Variants in RSPO2 observed in about 807,000 individuals in gnomAD.
RSPO2 encodes the protein R-spondin-2.
RSPO2 carries 14 observed loss-of-function variants against 30.9 expected under a neutral mutation model. That is an observed-to-expected ratio of 0.45 (90% CI 0.30 to 0.71). The LOEUF (loss-of-function observed/expected upper bound fraction) is 0.71. Among genes scored for constraint, RSPO2 ranks in the 30% least tolerant of loss-of-function variants. The pLI is 0.08. For synonymous variants in RSPO2, 107 were observed against 96.4 expected (o/e 1.11, Z -0.64); for missense variants, 264 against 301.9 (o/e 0.87, Z 0.93).
At chr8:108,005,774 T>C (rs1586621167) in intron 2 of RSPO2, among the ~76,000 whole-genome samples, 1 of 152,112 alleles carries the variant, frequency 6.6e-6, no homozygotes, top group African/African-American at 2.4e-5. Flanking sequence ...TAACACTACT[T>C]GGGTCTTGAA....
chr8:107,990,302 A>G (rs1468779073), intron 2 of RSPO2, among the ~76,000 whole-genome samples: 2 of 152,200 alleles, frequency 1.3e-5, no homozygotes, highest in African/African-American at 4.8e-5. Context: ...ACAGAAGGAA[A>G]GAGTAAAGAG....
rs1453633334 is a variant in RSPO2 at position 107,902,688 on chromosome 8, TC to T, written c.617-1499del. ...TAAGGATGGAAAACAGGCTTACTCT[TC>T]AAGACCCTAGCACAGTGACTGGCAC... is the stretch of plus-strand genomic sequence containing the variant. On this transcript the variant is annotated intron_variant, in intron 5 of 5. Transcript: ENST00000276659. Among the ~76,000 whole-genome samples, 3 of 152,164 alleles carry T rather than the reference TC, an allele frequency of 2.0e-5. No individual in the cohort carries two copies. In the East Asian group the frequency reaches 5.8e-4, roughly 29 times the overall value.
chr8:107,977,815 G>A (rs1008529874), intron 3 of RSPO2, among the ~76,000 whole-genome samples: 34 of 152,090 alleles, frequency 2.2e-4, no homozygotes, highest in Admixed American at 2.2e-3. Context: ...TTAGCATCCT[G>A]GTAAGCATTT....
intron 3 of RSPO2, among the ~76,000 whole-genome samples, chr8:107,969,593 A>G (rs1274060233): frequency 6.6e-6 from 1 of 152,204 alleles, no homozygotes; most frequent in Admixed American, 6.5e-5. Flanking sequence ...AGTGATGCAT[A>G]TTTGAAATCA....
chr8:107,984,118 G>C (rs1814544897), intron 3 of RSPO2, among the ~76,000 whole-genome samples: 4 of 152,224 alleles, frequency 2.6e-5, no homozygotes, highest in Admixed American at 2.6e-4. Context: ...CAGGACTTGG[G>C]AAACAGTCAC....
At chr8:108,030,052 A>T (rs1048787263) in intron 2 of RSPO2, among the ~76,000 whole-genome samples, 1 of 142,714 alleles carries the variant, frequency 7.0e-6, no homozygotes, top group Non-Finnish European at 1.5e-5. Context: ...TCTCAGCTCC[A>T]TGTCAATTTT....
At position 108,009,695 on chromosome 8, in the gene RSPO2, A is replaced by G. The variant is rs554000282; in HGVS notation, c.95-20451T>C. Among the ~76,000 whole-genome samples the G allele has an allele frequency of 3.3e-5, 5 of 152,342 alleles. No individual in the cohort carries two copies. In the South Asian group the frequency reaches 1.0e-3, roughly 32 times the overall value. On this transcript the variant is annotated intron_variant, in intron 2 of 5. Coordinates refer to ENST00000276659, the MANE Select transcript of RSPO2 (RefSeq NM_178565.5). The stretch of plus-strand genomic sequence containing the variant: ...ACAAATGCTCAAATTTTGAGTTTCC[A>G]AACAGAATTTTAAAATTCTTGGAAG...
intron 2 of RSPO2, among the ~76,000 whole-genome samples, chr8:108,030,025 A>G (rs1811367375): frequency 1.3e-5 from 2 of 150,346 alleles, no homozygotes; most frequent in African/African-American, 2.4e-5. Context: ...AATAACAGAA[A>G]TGACCCTCTC....
rs563169942 is a variant in RSPO2, at chr8:108,058,109, G to A, written c.94+24436C>T. 1.4e-4 allele frequency among the ~76,000 whole-genome samples: 20 copies of A among 145,952 alleles called. No homozygotes were observed. The South Asian group carries it at 3.3e-3, about 24-fold the overall frequency. ...CCCATTCAGTATGATATTGGCTGTG[G>A]GTGTGTCATAGATAGCTCTTATTGA... On this transcript the variant is annotated intron_variant, in intron 2 of 5. Transcript: ENST00000276659.
chr8:108,035,801 T>C (rs1275962992), intron 2 of RSPO2, among the ~76,000 whole-genome samples: 3 of 152,164 alleles, frequency 2.0e-5, no homozygotes, highest in Non-Finnish European at 2.9e-5. Flanking sequence ...GAATCTGAGA[T>C]TGCCCCAGAA....
chr8:108,011,768 A>G (rs1810718426), intron 2 of RSPO2, among the ~76,000 whole-genome samples: 1 of 152,218 alleles, frequency 6.6e-6, no homozygotes, highest in African/African-American at 2.4e-5. Context: ...TGGGCAGGGA[A>G]GAGTTACTGT....
intron 2 of RSPO2, among the ~76,000 whole-genome samples, chr8:108,054,574 CA>C (rs1376939494): frequency 6.6e-6 from 1 of 152,078 alleles, no homozygotes; most frequent in Non-Finnish European, 1.5e-5. Flanking sequence ...CCCCAAGAGG[CA>C]AAAGAAAAGG....
chr8:107,982,006 CAACAAAAAAAA>C (rs1458583616), intron 3 of RSPO2, among the ~76,000 whole-genome samples: 6 of 19,684 alleles, frequency 3.0e-4, no homozygotes, highest in Admixed American at 5.2e-4. Context: ...ACAACAACAA[CAACAAAAAAAA>C]AAAAAAAAAA....
At chr8:107,979,816 C>T (rs1288656171) in intron 3 of RSPO2, among the ~76,000 whole-genome samples, 1 of 152,142 alleles carries the variant, frequency 6.6e-6, no homozygotes, top group Non-Finnish European at 1.5e-5. Context: ...GTACCACTGC[C>T]TTAGCTGAAG....
chr8:108,018,239 C>G (rs1810953895), intron 2 of RSPO2, among the ~76,000 whole-genome samples: 1 of 152,068 alleles, frequency 6.6e-6, no homozygotes, highest in South Asian at 2.1e-4. Flanking sequence ...TCATTTTACC[C>G]AGGAAAAATA....
intron 2 of RSPO2, among the ~76,000 whole-genome samples, chr8:108,038,879 A>T (rs1338030544): frequency 6.6e-6 from 1 of 152,210 alleles, no homozygotes; most frequent in Non-Finnish European, 1.5e-5. Flanking sequence ...AAGAAACCAA[A>T]AATTTGTGTG....
At chr8:108,066,445 CAA>C (rs1425116551) in intron 2 of RSPO2, among the ~76,000 whole-genome samples, 1 of 136,228 alleles carries the variant, frequency 7.3e-6, no homozygotes, top group African/African-American at 3.1e-5. Context: ...CAAAAACCAA[CAA>C]GTCTTTTTTT....
At chr8:108,025,104 T>TACAC (rs978306724) in intron 2 of RSPO2, among the ~76,000 whole-genome samples, 13 of 151,858 alleles carry the variant, frequency 8.6e-5, no homozygotes, top group South Asian at 2.1e-4. Flanking sequence ...TAAATGTGTA[T>TACAC]ACACACACAC....
intron 2 of RSPO2, among the ~76,000 whole-genome samples, chr8:108,078,037 ACTGGC>A (rs1197742353): frequency 3.3e-5 from 5 of 152,084 alleles, no homozygotes; most frequent in Non-Finnish European, 7.4e-5. Context: ...TATTCCACAA[ACTGGC>A]CAGTTTGTCT....
Sources: allele counts gnomAD v4.1 joint callset (sites outside exome capture counted in the v4.1 genomes callset), GRCh38; gene constraint gnomAD v4.1.1; transcripts MANE v1.5; gene names NCBI Gene and HGNC (gene_info 2026-07-23, HGNC 2026-07-21).